The following SHROOM3 variants were observed in gnomAD, a reference collection of about 807,000 sequenced individuals.
SHROOM3 encodes the protein protein Shroom3.
Under a neutral mutation model 138.6 loss-of-function variants are expected in SHROOM3, and 47 were observed. That is an observed-to-expected ratio of 0.34 (90% CI 0.27 to 0.43). The LOEUF is 0.43. SHROOM3 is among the 20% of genes least tolerant of loss of function. The probability of loss-of-function intolerance (pLI) is 1.00; values close to 1 mark genes in which losing one functional copy is unlikely to be tolerated. For missense variants in SHROOM3, 2,491 were observed against 2,596.5 expected (o/e 0.96, Z 0.88); for synonymous variants, 1,062 against 1,063.3 (o/e 1.00, Z 0.02).
chr4:76,626,012 T>A (rs193023891), intron 2 of SHROOM3, among the ~76,000 whole-genome samples: 5 of 152,300 alleles, frequency 3.3e-5, no homozygotes, highest in Admixed American at 3.3e-4. Flanking sequence ...TAACTTTTCG[T>A]TTATTGTTGG....
At chr4:76,704,066 A>T (rs1258630157) in intron 2 of SHROOM3, among the ~76,000 whole-genome samples, 1 of 152,232 alleles carries the variant, frequency 6.6e-6, no homozygotes, top group African/African-American at 2.4e-5. Context: ...ATCAACTCAG[A>T]GCCTGATCTA....
chr4:76,620,091 A>AAAAAAAAAAAAAAAG (rs749696462), intron 2 of SHROOM3, among the ~76,000 whole-genome samples: 3 of 135,342 alleles, frequency 2.2e-5, no homozygotes, highest in Non-Finnish European at 4.6e-5. Flanking sequence ...AAAAAAAAAA[A>AAAAAAAAAAAAAAAG]AAGAAGAAAA....
intron 10 of SHROOM3, among the ~76,000 whole-genome samples, chr4:76,773,444 G>A (rs1177194507): frequency 6.6e-6 from 1 of 151,732 alleles, no homozygotes; most frequent in African/African-American, 2.4e-5. Flanking sequence ...CATCAAAAGA[G>A]ATAAAGAAGA....
intron 2 of SHROOM3, among the ~76,000 whole-genome samples, chr4:76,708,610 C>A (rs1027471467): frequency 6.6e-6 from 1 of 152,136 alleles, no homozygotes; most frequent in African/African-American, 2.4e-5. Flanking sequence ...TCTTTACAGT[C>A]AGGTATTGGA....
At chr4:76,598,046 G>A (rs1734425830) in intron 2 of SHROOM3, among the ~76,000 whole-genome samples, 2 of 136,192 alleles carry the variant, frequency 1.5e-5, no homozygotes, top group Non-Finnish European at 1.6e-5. Flanking sequence ...TTTTTTTTGA[G>A]ATGGAGTCTT....
At chr4:76,504,089 A>T (rs2110001030) in intron 1 of SHROOM3, among the ~76,000 whole-genome samples, 1 of 152,276 alleles carries the variant, frequency 6.6e-6, no homozygotes, top group African/African-American at 2.4e-5. Context: ...ACTGTAAGAG[A>T]TTTTGATGTT....
chr4:76,548,237 T>C (rs1233395803), intron 1 of SHROOM3, among the ~76,000 whole-genome samples: 2 of 145,266 alleles, frequency 1.4e-5, no homozygotes, highest in Non-Finnish European at 3.1e-5. Flanking sequence ...AGTGATCCAG[T>C]GGAGAACACT....
intron 2 of SHROOM3, among the ~76,000 whole-genome samples, chr4:76,658,976 C>T (rs1335502828): frequency 6.6e-6 from 1 of 151,852 alleles, no homozygotes; most frequent in East Asian, 1.9e-4. Context: ...CTTAGCGAAA[C>T]CCACCACTGA....
intron 1 of SHROOM3, among the ~76,000 whole-genome samples, chr4:76,550,916 T>C (rs1216998454): frequency 6.8e-6 from 1 of 147,166 alleles, no homozygotes; most frequent in East Asian, 2.2e-4. Context: ...GGAGGATTGC[T>C]TGGGTCCAGG....
chr4:76,705,904 C>G (rs762365597), intron 2 of SHROOM3, among the ~76,000 whole-genome samples: 2 of 152,128 alleles, frequency 1.3e-5, no homozygotes, highest in African/African-American at 2.4e-5. Flanking sequence ...GCAGTACAGT[C>G]GACCCTTGAA....
intron 10 of SHROOM3, among the ~76,000 whole-genome samples, chr4:76,775,382 G>C (rs1722519043): frequency 6.6e-6 from 1 of 150,814 alleles, no homozygotes; most frequent in South Asian, 2.1e-4. Flanking sequence ...TGCAAGAATG[G>C]CAATAAAAAA....
chr4:76,704,507 G>T (rs1577984529), intron 2 of SHROOM3, among the ~76,000 whole-genome samples: 1 of 152,236 alleles, frequency 6.6e-6, no homozygotes, highest in African/African-American at 2.4e-5. Flanking sequence ...GGTCAGCCAA[G>T]AAATGAATTG....
intron 2 of SHROOM3, among the ~76,000 whole-genome samples, chr4:76,702,331 T>C (rs1719925210): frequency 6.6e-6 from 1 of 152,208 alleles, no homozygotes; most frequent in Admixed American, 6.5e-5. Flanking sequence ...ATTAACTGAA[T>C]TACTGTTTTT....
At chr4:76,513,692 G>T (rs1034547271) in intron 1 of SHROOM3, among the ~76,000 whole-genome samples, 1 of 152,078 alleles carries the variant, frequency 6.6e-6, no homozygotes, top group Non-Finnish European at 1.5e-5. Context: ...GGGTAATTGC[G>T]GCAGAAAAGC....
chr4:76,523,924 C>T (rs535204913), intron 1 of SHROOM3, among the ~76,000 whole-genome samples: 101 of 152,218 alleles, frequency 6.6e-4, no homozygotes, highest in African/African-American at 2.2e-3. Flanking sequence ...TCATCCAGGA[C>T]GCTGCACCAT....
At chr4:76,661,377 C>T (rs1398766940) in intron 2 of SHROOM3, among the ~76,000 whole-genome samples, 1 of 152,088 alleles carries the variant, frequency 6.6e-6, no homozygotes, top group Non-Finnish European at 1.5e-5. Flanking sequence ...ATACAAGCGC[C>T]CGCCACCACG....
chr4:76,537,786 C>G (rs565131093), intron 1 of SHROOM3, among the ~76,000 whole-genome samples: 2 of 152,158 alleles, frequency 1.3e-5, no homozygotes, highest in Non-Finnish European at 2.9e-5. Flanking sequence ...TATTCTGCCG[C>G]CTTGCTCCAC....
At chr4:76,467,324 G>C (rs953148343) in intron 1 of SHROOM3, among the ~76,000 whole-genome samples, 1 of 152,076 alleles carries the variant, frequency 6.6e-6, no homozygotes, top group African/African-American at 2.4e-5. Context: ...TGAGATTACA[G>C]GCACGAGCCA....
intron 1 of SHROOM3, among the ~76,000 whole-genome samples, chr4:76,437,977 T>G (rs529566750): frequency 2.0e-3 from 301 of 152,286 alleles, no homozygotes; most frequent in African/African-American, 6.9e-3. Context: ...ACCTGCAGAA[T>G]GGGGCTATCC....
Sources: gnomAD v4.1 joint callset for allele counts (sites outside exome capture counted in the v4.1 genomes callset) on GRCh38, gnomAD v4.1.1 for gene constraint, MANE v1.5 for transcripts, NCBI Gene and HGNC (gene_info 2026-07-23, HGNC 2026-07-21) for gene names.